NUP37: variants seen among roughly 807,000 people sequenced by gnomAD.
NUP37 encodes the protein nucleoporin 37.
NUP37 carries 33 observed loss-of-function variants against 45.4 expected under a neutral mutation model. The ratio of observed to expected loss-of-function variants is 0.73; its 90% CI spans 0.55 to 0.97. The LOEUF is 0.97. Ranked by LOEUF, NUP37 falls within the 50% of genes least tolerant of loss-of-function variation. The probability of loss-of-function intolerance (pLI) is 0.00; values close to 1 mark genes in which losing one functional copy is unlikely to be tolerated. For synonymous variants in NUP37, 127 were observed against 130.7 expected (o/e 0.97, Z 0.19); for missense variants, 365 against 389.7 (o/e 0.94, Z 0.53).
intron 1 of NUP37, chr12:102,119,238 A>G (rs1880625192): frequency 6.6e-6 from 1 of 152,214 alleles, no homozygotes; most frequent in Non-Finnish European, 1.5e-5. Flanking sequence ...GGAGTACCAA[A>G]ATGTGTGATA....
Position 102,118,239 on chromosome 12 carries a change from A to T in NUP37, c.156+124T>A. ...TAACTGGGAACATCTTTCTCTATGGATCTTATCTTTTTTTTTTTTAACATT... is the reference window on the plus strand; with the variant it reads ...TAACTGGGAACATCTTTCTCTATGGTTCTTATCTTTTTTTTTTTTAACATT... On this transcript the variant is annotated intron_variant, in intron 2 of 9. Transcript: ENST00000552283. 3 of 946,534 alleles carry T rather than the reference A, an allele frequency of 3.2e-6. 1 individual carries two copies. The highest frequency in any genetic ancestry group is 4.7e-6 in the Non-Finnish European group (3 of 635,264). 58.6% of individuals were successfully genotyped at this position (946,534 alleles called of 1,614,324 possible). A position where few individuals can be genotyped will look rare whatever the true frequency, so the allele number is the denominator to read the frequency against.
intron 2 of NUP37, among the ~76,000 whole-genome samples, chr12:102,118,115 T>C (rs1880515853): frequency 6.6e-6 from 1 of 152,236 alleles, no homozygotes; most frequent in South Asian, 2.1e-4. Context: ...TAGCCTTCAC[T>C]TATCAGAATA....
rs147403270 is a variant in NUP37, at chr12:102,108,846, C to G, written c.281+3262G>C. Among the ~76,000 whole-genome samples the G allele has an allele frequency of 1.7e-3, 266 of 152,232 alleles. 2 individuals carry two copies. The highest frequency in any genetic ancestry group is 0.014 in the Middle Eastern group (4 of 294). Reference sequence around the variant, plus strand: ...GTTATAGCATAATGAAATCATAAAACTTTGTTCAAAATGTCATCTCTAAAA... The same window carrying G: ...GTTATAGCATAATGAAATCATAAAAGTTTGTTCAAAATGTCATCTCTAAAA... On this transcript the variant is annotated intron_variant, in intron 3 of 9. Coordinates refer to ENST00000552283, the MANE Select transcript of NUP37 (RefSeq NM_024057.4).
intron 2 of NUP37, among the ~76,000 whole-genome samples, chr12:102,113,765 TG>T (rs1341021084): frequency 6.6e-6 from 1 of 152,190 alleles, no homozygotes; most frequent in African/African-American, 2.4e-5. Flanking sequence ...ATGTCTATAT[TG>T]ATAGGAATTA....
intron 8 of NUP37, 83 bp downstream of exon 8, chr12:102,076,714 G>T: frequency 8.8e-7 from 1 of 1,131,998 alleles, no homozygotes; most frequent in Non-Finnish European, 1.3e-6. Flanking sequence ...CCAGTGCAAA[G>T]AAGAGAACTA....
intron 3 of NUP37, among the ~76,000 whole-genome samples, chr12:102,110,626 T>C (rs948594794): frequency 2.7e-5 from 4 of 150,822 alleles, no homozygotes; most frequent in African/African-American, 9.8e-5. Context: ...ATGGATTGCC[T>C]GAGCTCAGGA....
intron 3 of NUP37, among the ~76,000 whole-genome samples, 174 bp from the exon 4 acceptor site, chr12:102,101,278 A>C (rs1879964728): frequency 6.6e-6 from 1 of 152,224 alleles, no homozygotes; most frequent in Non-Finnish European, 1.5e-5. Flanking sequence ...AGTATTATAC[A>C]GCCATCACAG....
At chr12:102,102,978 C>T (rs1880018166) in intron 3 of NUP37, among the ~76,000 whole-genome samples, 1 of 152,078 alleles carries the variant, frequency 6.6e-6, no homozygotes, top group South Asian at 2.1e-4. Flanking sequence ...ATGTTAGTAC[C>T]ATGCTGTCTT....
At chr12:102,085,212 G>A (rs920406181) in intron 6 of NUP37, among the ~76,000 whole-genome samples, 2 of 152,130 alleles carry the variant, frequency 1.3e-5, no homozygotes, top group African/African-American at 4.8e-5. Flanking sequence ...CTGAGCTCAG[G>A]AGTTTGAGAG....
At chr12:102,102,693 G>A (rs1880009121) in intron 3 of NUP37, among the ~76,000 whole-genome samples, 2 of 152,180 alleles carry the variant, frequency 1.3e-5, no homozygotes, top group South Asian at 4.1e-4. Flanking sequence ...TTAATGTTGT[G>A]AAGCTTTTTC....
chr12:102,103,072 T>C (rs1418916998), intron 3 of NUP37, among the ~76,000 whole-genome samples: 2 of 152,180 alleles, frequency 1.3e-5, no homozygotes, highest in Non-Finnish European at 2.9e-5. Flanking sequence ...GCTTTGGCTA[T>C]CTGGGGTGTT....
Position 102,085,863 on chromosome 12 carries a change from A to AGTTCC in NUP37, c.450-8_450-7insGGAAC. ...TCCTTCCAAGTTCCAAATCCTAATA[A>AGTTCC]AAGAATAACAGTATAATGTTAATTG... is the stretch of plus-strand genomic sequence containing the variant. On this transcript the variant is annotated splice_region_variant and splice_polypyrimidine_tract_variant and intron_variant, in intron 5 of 9. Coordinates refer to ENST00000552283, the MANE Select transcript of NUP37 (RefSeq NM_024057.4). The AGTTCC allele has an allele frequency of 7.2e-7, 1 of 1,394,898 alleles. No homozygotes were observed. Among genetic ancestry groups the AGTTCC allele is most frequent in the Non-Finnish European group, 1.0e-6 (1 of 992,508 alleles). The allele number at this position is 1,394,898 out of a possible 1,614,324, so 86.4% of individuals were successfully genotyped here. A position where few individuals can be genotyped will look rare whatever the true frequency, so the allele number is the denominator to read the frequency against.
At chr12:102,115,870 A>C in intron 2 of NUP37, 18 of 855,318 alleles carry the variant, frequency 2.1e-5, no homozygotes, top group Non-Finnish European at 2.5e-5. Context: ...AGGTTCTAGG[A>C]CAACAGAATA....
intron 2 of NUP37, among the ~76,000 whole-genome samples, chr12:102,113,858 T>C (rs946423323): frequency 2.0e-5 from 3 of 152,214 alleles, no homozygotes; most frequent in Non-Finnish European, 4.4e-5. Flanking sequence ...GAAATCCAAG[T>C]AGATATACTG....
In NUP37 at chr12:102,076,804, A is replaced by C; in HGVS notation, c.766T>G (p.Leu256Val). The C allele has an allele frequency of 6.2e-7, 1 of 1,613,546 alleles. No individual in the cohort carries two copies. The highest frequency in any genetic ancestry group is 1.3e-5 in the African/African-American group (1 of 75,042). The change falls in exon 8 of 10, where the codon TTA (leucine) becomes GTA (valine). Residue 256 changes from leucine to valine, a missense_variant. Coordinates refer to ENST00000552283, the MANE Select transcript of NUP37 (RefSeq NM_024057.4). Reference sequence around the variant, plus strand: ...ACAAAAACGGTACATTACCTGAATAAGCAGGCTCGATCCATGTGAACAGGT... The same window carrying C: ...ACAAAAACGGTACATTACCTGAATACGCAGGCTCGATCCATGTGAACAGGT... ...KRPVHMDRAC[L>V]FRWSTISENL...
chr12:102,100,922 T>C (rs1879951717), intron 4 of NUP37, 110 bp downstream of exon 4: 1 of 630,082 alleles, frequency 1.6e-6, no homozygotes, highest in South Asian at 2.0e-5. Context: ...TTATATACTT[T>C]AATGATGACC....
At position 102,099,123 on chromosome 12, in the gene NUP37, A is replaced by G. The variant is rs775212162; in HGVS notation, c.432T>C (p.Ser144=). The G allele has an allele frequency of 1.2e-6, 2 of 1,607,868 alleles. No homozygotes were observed. Among genetic ancestry groups the G allele is most frequent in the African/African-American group, 2.7e-5 (2 of 74,756 alleles). Residue 144 remains serine (S), a synonymous_variant, in exon 5 of 10, where the codon AGT becomes AGC. Coordinates refer to ENST00000552283, the MANE Select transcript of NUP37 (RefSeq NM_024057.4). ...CAACATACCTGCAGGTGTGATCGTC[A>G]CTCACACTTGCAATTTCTTGGCCTT... ...PKEGQEIASV[S]DDHTCRIWNL...
intron 8 of NUP37, among the ~76,000 whole-genome samples, chr12:102,075,616 G>A (rs1879145091): frequency 6.6e-6 from 1 of 152,108 alleles, no homozygotes; most frequent in East Asian, 1.9e-4. Flanking sequence ...TTTATGAAGT[G>A]CTTATTTTGT....
At chr12:102,080,521 A>C (rs1879303005) in intron 6 of NUP37, among the ~76,000 whole-genome samples, 1 of 152,256 alleles carries the variant, frequency 6.6e-6, no homozygotes, top group Non-Finnish European at 1.5e-5. Flanking sequence ...GGTCAATGAC[A>C]AACACAACAA....
Sources: allele counts gnomAD v4.1 joint callset (sites outside exome capture counted in the v4.1 genomes callset), GRCh38; gene constraint gnomAD v4.1.1; transcripts MANE v1.5; gene names NCBI Gene and HGNC (gene_info 2026-07-23, HGNC 2026-07-21).